DOCK10: variants seen among roughly 807,000 people sequenced by gnomAD.
DOCK10 encodes the protein dedicator of cytokinesis protein 10.
Under a neutral mutation model 280.1 loss-of-function variants are expected in DOCK10, and 145 were observed. The ratio of observed to expected loss-of-function variants is 0.52; its 90% CI spans 0.45 to 0.59. The LOEUF is 0.59. Ranked by LOEUF, DOCK10 falls within the 20% of genes least tolerant of loss-of-function variation. The pLI, the probability that DOCK10 is intolerant of heterozygous loss-of-function variation, is 0.00. For missense variants in DOCK10, 2,368 were observed against 2,651.7 expected (o/e 0.89, Z 2.35); for synonymous variants, 915 against 942.2 (o/e 0.97, Z 0.53).
At chr2:224,888,325 G>A (rs946644641) in intron 4 of DOCK10, among the ~76,000 whole-genome samples, 35 of 151,852 alleles carry the variant, frequency 2.3e-4, no homozygotes, top group African/African-American at 5.8e-4. Context: ...GTGCGTGTGC[G>A]TGTGTATACA....
chr2:224,802,124 A>G (rs1693058604), intron 39 of DOCK10, 84 bp from the exon 40 acceptor site: 1 of 1,385,926 alleles, frequency 7.2e-7, no homozygotes, highest in Admixed American at 2.5e-5. Flanking sequence ...AATGTTCTAG[A>G]TTGAGTCAAA....
At chr2:224,838,519 T>C (rs896969849) in intron 24 of DOCK10, among the ~76,000 whole-genome samples, 8 of 152,122 alleles carry the variant, frequency 5.3e-5, no homozygotes, top group Non-Finnish European at 8.8e-5. Context: ...GAAAAGAGCA[T>C]GAGTTGAAGG....
At chr2:224,775,450 T>A (rs1690776120) in intron 51 of DOCK10, among the ~76,000 whole-genome samples, 1 of 145,420 alleles carries the variant, frequency 6.9e-6, no homozygotes, top group Non-Finnish European at 1.5e-5. Context: ...GAATGCAAAC[T>A]TCTTTTATTT....
In DOCK10 at chr2:224,789,146, G is replaced by C; in HGVS notation, c.5336C>G (p.Ala1779Gly). The C allele has an allele frequency of 6.2e-7, 1 of 1,613,338 alleles. No homozygotes were observed. Among genetic ancestry groups the C allele is most frequent in the Non-Finnish European group, 8.5e-7 (1 of 1,179,546 alleles). ...AATGTTTGGTGTAATGCTCAAAAAAGCTGGCCATCCCATAGAGAACATGCC... is the reference window on the plus strand; with the variant it reads ...AATGTTTGGTGTAATGCTCAAAAAACCTGGCCATCCCATAGAGAACATGCC... ...GGSMFSMGWP[A>G]FLSITPNIKE... Residue 1779 changes from alanine (A) to glycine (G), a missense_variant, in exon 48 of 56, where the codon GCT becomes GGT. Ala to Gly is a moderately conservative substitution (Grantham distance 60). Around this residue, in one of 2 missense-constraint regions of DOCK10, gnomAD observed 1,159 missense variants for 1,400.8 expected, o/e 0.83. Coordinates refer to ENST00000258390, the MANE Select transcript of DOCK10 (RefSeq NM_014689.3).
At chr2:224,940,787 G>A (rs894574267) in intron 1 of DOCK10, among the ~76,000 whole-genome samples, 4 of 152,172 alleles carry the variant, frequency 2.6e-5, no homozygotes, top group Non-Finnish European at 5.9e-5. Flanking sequence ...GCTCTCTGTA[G>A]GAGGTGCCTG....
At chr2:225,037,177 C>T (rs1481881908) in intron 1 of DOCK10, among the ~76,000 whole-genome samples, 1 of 152,162 alleles carries the variant, frequency 6.6e-6, no homozygotes, top group Non-Finnish European at 1.5e-5. Context: ...TAACCTCATG[C>T]TCTTTCACAA....
At chr2:224,836,781 A>G (rs1695618920) in intron 25 of DOCK10, among the ~76,000 whole-genome samples, 1 of 151,952 alleles carries the variant, frequency 6.6e-6, no homozygotes, top group South Asian at 2.1e-4. Flanking sequence ...TTGTATTTTT[A>G]GTAGAGACAG....
At position 224,798,074 on chromosome 2, in the gene DOCK10, G is replaced by T. The variant is rs564928256; in HGVS notation, c.4507-105C>A. The stretch of plus-strand genomic sequence containing the variant: ...GTCATGTGGTAAGGCACTATTTTGA[G>T]TGCTAGAAATAAAGGATTGAACAAG... On this transcript the variant is annotated intron_variant, in intron 41 of 55. Transcript: ENST00000258390. 25 of 1,118,322 alleles carry T rather than the reference G, an allele frequency of 2.2e-5. No individual in the cohort carries two copies. In the East Asian group the frequency reaches 5.9e-4, roughly 27 times the overall value. The allele number at this position is 1,118,322 out of a possible 1,614,324, so 69.3% of individuals were successfully genotyped here.
At position 224,982,798 on chromosome 2, in the gene DOCK10, AT is replaced by A. The variant is rs10627404; in HGVS notation, c.124-51131del. Among the ~76,000 whole-genome samples the A allele has an allele frequency of 8.3e-4, 125 of 150,538 alleles. 1 individual carries two copies. Among genetic ancestry groups the A allele is most frequent in the Middle Eastern group, 3.4e-3 (1 of 292 alleles). On this transcript the variant is annotated intron_variant, in intron 1 of 55. Transcript: ENST00000258390. Reference sequence around the variant, plus strand: ...AGGTATCATGTAAGGAGTGAAAATGATTTTTTTTTTTATAAACGTAAACACT... The same window carrying A: ...AGGTATCATGTAAGGAGTGAAAATGATTTTTTTTTTATAAACGTAAACACT...
chr2:224,769,701 G>A (rs1031430491), intron 55 of DOCK10, among the ~76,000 whole-genome samples: 12 of 152,214 alleles, frequency 7.9e-5, no homozygotes, highest in Non-Finnish European at 1.5e-4. Flanking sequence ...TGCTTGTGGG[G>A]TGGGTGGTTG....
rs903519097 is a variant in DOCK10 at position 224,804,820 on chromosome 2, T to C, written c.4140A>G (p.Arg1380=). 2 of 1,510,666 alleles carry C rather than the reference T, an allele frequency of 1.3e-6. No individual in the cohort carries two copies. The highest frequency in any genetic ancestry group is 1.8e-6 in the Non-Finnish European group (2 of 1,130,582). The allele number at this position is 1,510,666 out of a possible 1,614,324, so 93.6% of individuals were successfully genotyped here. A position where few individuals can be genotyped will look rare whatever the true frequency, so the allele number is the denominator to read the frequency against. ...TTATTATGTTGCGTTTTCCTAGGTA[T>C]CTGAAATTTTGAAGACAAACGCTAG... The part of the protein sequence containing the change: ...SILDVCLQNF[R]YLGKRNIIRK... Residue 1380 remains arginine (R), a synonymous_variant, in exon 38 of 56, where the codon AGA becomes AGG. Transcript: ENST00000258390.
intron 41 of DOCK10, 86 bp from the exon 42 acceptor site, chr2:224,798,055 T>G (rs1692707661): frequency 7.4e-7 from 1 of 1,344,812 alleles, no homozygotes; most frequent in Admixed American, 2.1e-5. Flanking sequence ...ACCTGTCATG[T>G]GGTAAGGCAC....
chr2:224,807,821 A>G, intron 32 of DOCK10, 37 bp from the exon 33 acceptor site: 2 of 1,567,318 alleles, frequency 1.3e-6, no homozygotes, highest in Middle Eastern at 3.4e-4. Context: ...TGATTCATGT[A>G]AAAATCAATA....
At chr2:224,932,142 C>T (rs979683388) in intron 1 of DOCK10, among the ~76,000 whole-genome samples, 19 of 152,156 alleles carry the variant, frequency 1.2e-4, no homozygotes, top group African/African-American at 4.3e-4. Context: ...TTGGTTGTCA[C>T]GAACACATGG....
chr2:224,930,314 C>T (rs1702277222), intron 2 of DOCK10, among the ~76,000 whole-genome samples: 3 of 151,894 alleles, frequency 2.0e-5, no homozygotes, highest in South Asian at 2.1e-4. Context: ...TAAAAAAATG[C>T]GGTTTAACTT....
At chr2:225,017,108 A>G (rs1689631353) in intron 1 of DOCK10, among the ~76,000 whole-genome samples, 1 of 77,278 alleles carries the variant, frequency 1.3e-5, no homozygotes, top group Non-Finnish European at 2.8e-5. Context: ...ATAAAATTAA[A>G]CCAAAAAAAA....
chr2:224,990,133 C>T lies in DOCK10; in HGVS notation c.123+52119G>A, dbSNP rs1002394952. Among the ~76,000 whole-genome samples, 11 of 152,202 alleles carry T rather than the reference C, an allele frequency of 7.2e-5. No individual in the cohort carries two copies. In the South Asian group the frequency reaches 8.3e-4, roughly 11 times the overall value. ...GCAGCTCAAAAGCAGATAATTCTTT[C>T]GTTGGTACATTTGGATGCATCGGAA... On this transcript the variant is annotated intron_variant, in intron 1 of 55. Transcript: ENST00000258390.
In DOCK10 at chr2:224,862,593, G is replaced by A. The variant is rs61745413; in HGVS notation, c.1685+71C>T. 187 of 1,288,022 alleles carry A rather than the reference G, an allele frequency of 1.5e-4. 2 individuals are homozygous for A. In the African/African-American group the frequency reaches 2.3e-3, roughly 16 times the overall value. The allele number at this position is 1,288,022 out of a possible 1,614,324, so 79.8% of individuals were successfully genotyped here. The stretch of plus-strand genomic sequence containing the variant: ...TAAAAATAATAGGCAACACAAAAAC[G>A]TTCAAAACTGAAGCTTCCAATGCCA... On this transcript the variant is annotated intron_variant, in intron 14 of 55. Coordinates refer to ENST00000258390, the MANE Select transcript of DOCK10 (RefSeq NM_014689.3).
chr2:224,854,966 G>T lies in DOCK10; in HGVS notation c.1885C>A (p.Pro629Thr), dbSNP rs1278213603. 3 of 1,606,016 alleles carry T rather than the reference G, an allele frequency of 1.9e-6. No homozygotes were observed. Among genetic ancestry groups the T allele is most frequent in the Non-Finnish European group, 2.6e-6 (3 of 1,175,464 alleles). ...AACCATGACATCATCATCATACTTGGATGCTCCAAGGGAACGTTGTCAACA... is the reference window on the plus strand; with the variant it reads ...AACCATGACATCATCATCATACTTGTATGCTCCAAGGGAACGTTGTCAACA... ...IAVDNVPLEH[P>T]NCVTSSFIPV... Residue 629 changes from proline to threonine, a missense_variant, in exon 16 of 56, where the codon CCA (proline) becomes ACA (threonine). Physicochemically the swap from Pro to Thr is conservative, Grantham distance 38. Transcript: ENST00000258390.
Sources: gnomAD v4.1 joint callset for allele counts (sites outside exome capture counted in the v4.1 genomes callset) on GRCh38, gnomAD v4.1.1 for gene constraint, gnomAD v4.1.1 regional missense constraint, MANE v1.5 for transcripts, NCBI Gene and HGNC (gene_info 2026-07-23, HGNC 2026-07-21) for gene names.